RGPD2: variants seen among roughly 807,000 people sequenced by gnomAD.
The protein encoded by RGPD2 is RANBP2 like and GRIP domain containing 2.
Under a neutral mutation model 36.0 loss-of-function variants are expected in RGPD2, and 2 were observed. That is an observed-to-expected ratio of 0.06 (90% CI 0.02 to 0.17). The LOEUF (loss-of-function observed/expected upper bound fraction) is 0.17, where lower values mean the gene tolerates loss of function less well. RGPD2 is among the 10% of genes least tolerant of loss of function. RGPD2 has a pLI of 1.00. For synonymous variants in RGPD2, 19 were observed against 163.8 expected (o/e 0.12, Z 6.75); for missense variants, 40 against 464.3 (o/e 0.09, Z 8.40).
chr2:87,814,116 T>C (rs887599423), intron 4 of RGPD2, among the ~76,000 whole-genome samples: 1 of 117,674 alleles, frequency 8.5e-6, no homozygotes, highest in Non-Finnish European at 1.7e-5. Flanking sequence ...ATCTGCACAA[T>C]TAGACCTCAT....
chr2:87,886,137 C>G, the RGPD2 span, among the ~76,000 whole-genome samples: 3 of 151,834 alleles, frequency 2.0e-5, no homozygotes, highest in Non-Finnish European at 4.4e-5. Flanking sequence ...ATGCTGGCCT[C>G]TCTTGAAAAA....
At chr2:87,852,604 A>C in the RGPD2 span, among the ~76,000 whole-genome samples, 22 of 152,316 alleles carry the variant, frequency 1.4e-4, no homozygotes, top group African/African-American at 4.3e-4. Flanking sequence ...CTCATCTTCT[A>C]TTGCTCTGTG....
the RGPD2 span, among the ~76,000 whole-genome samples, chr2:87,934,655 A>G: frequency 6.6e-6 from 1 of 151,116 alleles, no homozygotes; most frequent in Non-Finnish European, 1.5e-5. Flanking sequence ...CCATTTTTAT[A>G]TATTTCTAGA....
At chr2:87,943,330 T>G in the RGPD2 span, among the ~76,000 whole-genome samples, 2 of 148,638 alleles carry the variant, frequency 1.3e-5, no homozygotes, top group Non-Finnish European at 3.0e-5. Flanking sequence ...ATTGTGGTAT[T>G]AATTTACGTT....
At chr2:87,890,640 TC>T in the RGPD2 span, among the ~76,000 whole-genome samples, 2 of 151,664 alleles carry the variant, frequency 1.3e-5, no homozygotes, top group South Asian at 2.1e-4. Flanking sequence ...TTGACAAATC[TC>T]CTATTGGTGC....
intron 4 of RGPD2, among the ~76,000 whole-genome samples, chr2:87,813,098 G>A (rs1364240334): frequency 6.2e-4 from 94 of 152,220 alleles, no homozygotes; most frequent in Non-Finnish European, 1.0e-3. Context: ...TTCCCTTCAA[G>A]ACAATAACAT....
the RGPD2 span, among the ~76,000 whole-genome samples, chr2:87,880,934 T>C: frequency 7.7e-6 from 1 of 129,644 alleles, no homozygotes; most frequent in Non-Finnish European, 1.6e-5. Flanking sequence ...GGTATAGCTA[T>C]TGAATAAACA....
the RGPD2 span, among the ~76,000 whole-genome samples, chr2:87,881,156 C>T: frequency 3.9e-5 from 6 of 152,108 alleles, no homozygotes; most frequent in African/African-American, 1.2e-4. Context: ...CTAGGCATTT[C>T]CACTTATGTG....
the RGPD2 span, among the ~76,000 whole-genome samples, chr2:87,962,179 G>A: frequency 6.7e-6 from 1 of 148,970 alleles, no homozygotes; most frequent in Non-Finnish European, 1.5e-5. Flanking sequence ...TCTATTTTGG[G>A]AATTTGGATA....
the RGPD2 span, among the ~76,000 whole-genome samples, chr2:87,860,745 C>T: frequency 2.9e-3 from 428 of 149,164 alleles, no homozygotes; most frequent in African/African-American, 8.7e-3. Context: ...TGTGTGTCTG[C>T]GTATGCATAG....
In RGPD2 at chr2:87,807,380, G is replaced by GCT. The variant is rs1685993518; in HGVS notation, c.780-490_780-489insAG. Among the ~76,000 whole-genome samples, 3 of 81,952 alleles carry GCT rather than the reference G, an allele frequency of 3.7e-5. 1 individual carries two copies. Among genetic ancestry groups the GCT allele is most frequent in the South Asian group, 4.0e-4 (1 of 2,478 alleles). The allele number at this position is 81,952 out of a possible 152,430, so 53.8% of individuals were successfully genotyped here. ...ATATAGATCATTACAGCGTTAAATT[G>GCT]TTTTTTTTTTTTTTTTTTTTTTTTG... On this transcript the variant is annotated intron_variant, in intron 6 of 22. Coordinates refer to ENST00000398146, the MANE Select transcript of RGPD2 (RefSeq NM_001078170.3).
At chr2:87,972,813 A>G in the RGPD2 span, 720 of 1,611,752 alleles carry the variant, frequency 4.5e-4, no homozygotes, top group Admixed American at 6.3e-4. Context: ...TGCACCTACT[A>G]CTATGAGCTC....
the RGPD2 span, among the ~76,000 whole-genome samples, chr2:87,923,530 G>A: frequency 0.012 from 1,887 of 152,200 alleles, 35 homozygotes; most frequent in African/African-American, 0.042. Flanking sequence ...AAGACTCACC[G>A]TATGGTACAC....
chr2:87,857,349 C>CTT, the RGPD2 span, among the ~76,000 whole-genome samples: 1 of 147,788 alleles, frequency 6.8e-6, no homozygotes. Context: ...TATTTGTATA[C>CTT]TTTTTTTTTT....
chr2:87,842,699 G>T, the RGPD2 span, among the ~76,000 whole-genome samples: 1 of 151,302 alleles, frequency 6.6e-6, no homozygotes, highest in African/African-American at 2.4e-5. Flanking sequence ...TCACAGAATT[G>T]GAAAAAACTA....
chr2:87,943,884 T>C, the RGPD2 span, among the ~76,000 whole-genome samples: 6 of 152,230 alleles, frequency 3.9e-5, no homozygotes, highest in South Asian at 1.2e-3. Context: ...CTTTTTCTAA[T>C]ATATAATCTT....
chr2:87,849,982 TCACC>T, the RGPD2 span, among the ~76,000 whole-genome samples: 1 of 145,028 alleles, frequency 6.9e-6, no homozygotes, highest in Non-Finnish European at 1.5e-5. Context: ...ACGTGCCGTT[TCACC>T]TGTGAAGAAT....
chr2:87,977,570 C>G, the RGPD2 span, among the ~76,000 whole-genome samples: 3 of 149,682 alleles, frequency 2.0e-5, no homozygotes, highest in South Asian at 6.3e-4. Context: ...TCCCAACACT[C>G]TGGGAGGCTG....
the RGPD2 span, among the ~76,000 whole-genome samples, chr2:87,857,774 T>TAAAACAAAA: frequency 1.9e-4 from 23 of 123,420 alleles, no homozygotes; most frequent in African/African-American, 8.3e-4. Context: ...CCATCTCTAC[T>TAAAACAAAA]AAAAAAAAAA....
Sources: gnomAD v4.1 joint callset for allele counts (sites outside exome capture counted in the v4.1 genomes callset) on GRCh38, gnomAD v4.1.1 for gene constraint, MANE v1.5 for transcripts, NCBI Gene and HGNC (gene_info 2026-07-23, HGNC 2026-07-21) for gene names.